The following MMD2 variants were observed in gnomAD, a reference collection of about 807,000 sequenced individuals.
MMD2 encodes monocyte to macrophage differentiation associated 2.
MMD2 carries 30 observed loss-of-function variants against 33.5 expected under a neutral mutation model. The observed-to-expected ratio is 0.90, with a 90% confidence interval of 0.67 to 1.22. The LOEUF (loss-of-function observed/expected upper bound fraction) is 1.22. MMD2 is among the 50% of genes most tolerant of loss of function. The pLI is 0.00. For synonymous variants in MMD2, 129 were observed against 123.0 expected, an observed-to-expected ratio of 1.05 and a Z score of -0.32; for missense variants, 364 against 325.4, an observed-to-expected ratio of 1.12 and a Z score of -0.91.
chr7:4,909,773 C>A (rs1213992706), intron 6 of MMD2, 108 bp downstream of exon 6: 1 of 1,460,464 alleles, frequency 6.8e-7, no homozygotes, highest in Non-Finnish European at 9.4e-7. Flanking sequence ...GCCTCAGTTT[C>A]CCCGCCTGCC....
downstream of MMD2, among the ~76,000 whole-genome samples, chr7:4,905,189 C>T (rs191951948): frequency 2.9e-4 from 44 of 151,082 alleles, no homozygotes; most frequent in Non-Finnish European, 5.9e-5. This position sits in a 1 kb window ranked among gnomAD's most constrained non-coding sequence, Gnocchi z 5.0. Context: ...AAAGAAGTCC[C>T]AAGTCATCCA....
chr7:4,938,825 A>C (rs1384265804), intron 1 of MMD2, among the ~76,000 whole-genome samples: 1 of 152,138 alleles, frequency 6.6e-6, no homozygotes, highest in African/African-American at 2.4e-5. Flanking sequence ...ATCTTTTTAA[A>C]ATCCTATCAA....
At chr7:4,907,671 C>A in intron 6 of MMD2, 72 bp from the exon 7 acceptor site, 2 of 1,519,544 alleles carry the variant, frequency 1.3e-6, no homozygotes, top group South Asian at 1.1e-5. Flanking sequence ...CAGCCAGTCC[C>A]CACCACCCAA....
chr7:4,954,674 C>G (rs992773188), intron 1 of MMD2, among the ~76,000 whole-genome samples: 9 of 152,168 alleles, frequency 5.9e-5, no homozygotes, highest in African/African-American at 2.2e-4. Context: ...CCACCTCGGC[C>G]TCCCAAAATG....
At chr7:4,912,831 G>A (rs1041916121) in intron 4 of MMD2, among the ~76,000 whole-genome samples, 18 of 151,872 alleles carry the variant, frequency 1.2e-4, no homozygotes, top group African/African-American at 1.2e-4. Flanking sequence ...TCAGCCTCCC[G>A]AGTAGCTGGG....
intron 4 of MMD2, among the ~76,000 whole-genome samples, chr7:4,912,186 G>A (rs371686017): frequency 1.3e-5 from 2 of 152,064 alleles, no homozygotes; most frequent in African/African-American, 4.8e-5. Context: ...AGATCTCTAA[G>A]CTATATTGTG....
chr7:4,919,897 G>GA (rs1785231317), intron 3 of MMD2, among the ~76,000 whole-genome samples: 1 of 152,104 alleles, frequency 6.6e-6, no homozygotes, highest in Non-Finnish European at 1.5e-5. Context: ...CTCCATCTCA[G>GA]AAAAAACAAA....
intron 1 of MMD2, among the ~76,000 whole-genome samples, chr7:4,926,676 T>C (rs1292152224): frequency 6.6e-6 from 1 of 152,178 alleles, no homozygotes; most frequent in Non-Finnish European, 1.5e-5. Flanking sequence ...TCTGGCTTCT[T>C]TTGCTTAACG....
the MMD2 span, among the ~76,000 whole-genome samples, chr7:4,900,067 C>T: frequency 3.9e-4 from 60 of 152,086 alleles, no homozygotes; most frequent in South Asian, 0.012. Flanking sequence ...TTTGGGAGGC[C>T]GAGGTGGGCG....
chr7:4,939,810 G>A (rs1023440458), intron 1 of MMD2, among the ~76,000 whole-genome samples: 1 of 150,716 alleles, frequency 6.6e-6, no homozygotes, highest in African/African-American at 2.4e-5. Context: ...GCACAATCTC[G>A]GCTCACTGCA....
chr7:4,958,910 C>CG (rs1786462272), intron 1 of MMD2, 61 bp downstream of exon 1: 1 of 1,268,012 alleles, frequency 7.9e-7, no homozygotes, highest in Admixed American at 4.2e-5. Context: ...GTGGCCTCCG[C>CG]GGCCCCCGCC....
rs546155964 is a variant in MMD2, at chr7:4,926,258, C to T, written c.48-726G>A. Among the ~76,000 whole-genome samples, 77 of 152,106 alleles carry T rather than the reference C, an allele frequency of 5.1e-4. 1 individual carries two copies. Among genetic ancestry groups the T allele is most frequent in the African/African-American group, 1.6e-3 (66 of 41,508 alleles). ...GACTACAGGCACAATCTACCATGCC[C>T]GGCTAAATTTTTTTGTATTTTTTAT... On this transcript the variant is annotated intron_variant, in intron 1 of 6. Coordinates refer to ENST00000401401, the MANE Select transcript of MMD2 (RefSeq NM_198403.4).
In MMD2 at chr7:4,921,567, G is replaced by C. The variant is rs373682613; in HGVS notation, c.130-1236C>G. ...ACCCAGGAGGTGGAGATTGCAGTGA[G>C]CTCAGATCGCGCCACTGCACTCCAG... is the stretch of plus-strand genomic sequence containing the variant. On this transcript the variant is annotated intron_variant, in intron 2 of 6. Transcript: ENST00000401401. Among the ~76,000 whole-genome samples, 5 of 149,872 alleles carry C rather than the reference G, an allele frequency of 3.3e-5. No individual in the cohort carries two copies. In the South Asian group the frequency reaches 8.5e-4, roughly 25 times the overall value.
At chr7:4,945,184 CTTTCTT>C (rs1350195297) in intron 1 of MMD2, among the ~76,000 whole-genome samples, 43 of 31,666 alleles carry the variant, frequency 1.4e-3, no homozygotes, top group African/African-American at 3.9e-3. Flanking sequence ...TCCTCTTCCT[CTTTCTT>C]CTTCTTCTTC....
At chr7:4,925,580 C>G (rs756551272) in intron 1 of MMD2, 48 bp from the exon 2 acceptor site, 1 of 1,436,644 alleles carries the variant, frequency 7.0e-7, no homozygotes, top group African/African-American at 1.4e-5. Context: ...GCAAGAGGTG[C>G]CATCCGAATT....
intron 1 of MMD2, among the ~76,000 whole-genome samples, chr7:4,936,808 C>G (rs1015720965): frequency 7.2e-5 from 11 of 151,956 alleles, no homozygotes; most frequent in African/African-American, 2.7e-4. Context: ...GATCTCAGCT[C>G]AGTGCAACTT....
At chr7:4,895,567 C>T in the MMD2 span, among the ~76,000 whole-genome samples, 1,392 of 151,388 alleles carry the variant, frequency 9.2e-3, 8 homozygotes, top group Non-Finnish European at 0.016. Flanking sequence ...GACGGAGTCT[C>T]GCTCTGTCAC....
At chr7:4,939,565 A>T (rs916300979) in intron 1 of MMD2, among the ~76,000 whole-genome samples, 2 of 152,032 alleles carry the variant, frequency 1.3e-5, no homozygotes, top group Admixed American at 6.6e-5. Context: ...AAGTCTTGGA[A>T]ACTACCCAAA....
the MMD2 span, among the ~76,000 whole-genome samples, chr7:4,896,256 G>C: frequency 6.6e-6 from 1 of 152,170 alleles, no homozygotes; most frequent in Admixed American, 6.5e-5. Context: ...GAGGCGGGTG[G>C]ACTGCCTGAG....
Sources: allele counts gnomAD v4.1 joint callset (sites outside exome capture counted in the v4.1 genomes callset), GRCh38; gene constraint gnomAD v4.1.1; non-coding constraint Gnocchi (gnomAD v3.1); transcripts MANE v1.5; gene names NCBI Gene and HGNC (gene_info 2026-07-23, HGNC 2026-07-21).